The following WDR70 variants were observed in gnomAD, a reference collection of about 807,000 sequenced individuals.
The protein encoded by WDR70 is WD repeat-containing protein 70.
Under a neutral mutation model 88.6 loss-of-function variants are expected in WDR70, and 53 were observed. That is an observed-to-expected ratio of 0.60 (90% CI 0.48 to 0.75). The LOEUF (loss-of-function observed/expected upper bound fraction) is 0.75, where lower values mean the gene tolerates loss of function less well. Among genes scored for constraint, WDR70 ranks in the 30% least tolerant of loss-of-function variants. The pLI is 0.00. For synonymous variants in WDR70, 280 were observed against 270.0 expected (o/e 1.04, Z -0.36); for missense variants, 610 against 823.2 (o/e 0.74, Z 3.17).
intron 8 of WDR70, among the ~76,000 whole-genome samples, chr5:37,485,858 A>ATGTTTTTTTTTTTTTTTTTTT (rs1739848569): frequency 9.2e-6 from 1 of 108,290 alleles, no homozygotes; most frequent in Admixed American, 9.8e-5. Context: ...TGCCTGGCTA[A>ATGTTTTTTTTTTTTTTTTTTT]TTTTTTTTTT....
Position 37,483,339 on chromosome 5 carries a change from C to G in WDR70, c.840+3352C>G, listed in dbSNP as rs1581323943. Among the ~76,000 whole-genome samples, 3 of 152,042 alleles carry G rather than the reference C, an allele frequency of 2.0e-5. No individual in the cohort carries two copies. The South Asian group carries it at 6.2e-4, about 32-fold the overall frequency. On this transcript the variant is annotated intron_variant, in intron 8 of 17. Transcript: ENST00000265107. ...ATGCTGCCTTCAAGCATCTGTTTAA[C>G]AAAGCACATCTTGCACCGCCCTTAA...
At chr5:37,578,118 G>C (rs1042857785) in intron 9 of WDR70, among the ~76,000 whole-genome samples, 1 of 152,164 alleles carries the variant, frequency 6.6e-6, no homozygotes, top group Non-Finnish European at 1.5e-5. Context: ...GTCTCTCTCA[G>C]AATATAGTTT....
chr5:37,549,879 T>G (rs191277579), intron 9 of WDR70, among the ~76,000 whole-genome samples: 1 of 152,036 alleles, frequency 6.6e-6, no homozygotes, highest in African/African-American at 2.4e-5. Context: ...TTTTTTTTTT[T>G]TGAGACAGAG....
intron 8 of WDR70, among the ~76,000 whole-genome samples, chr5:37,483,836 G>C (rs1161158581): frequency 3.3e-5 from 5 of 151,998 alleles, no homozygotes; most frequent in Non-Finnish European, 7.4e-5. Context: ...TCACTTCTCA[G>C]ACGGGGCGGC....
At chr5:37,518,994 C>A (rs375524598) in intron 9 of WDR70, among the ~76,000 whole-genome samples, 1 of 151,992 alleles carries the variant, frequency 6.6e-6, no homozygotes, top group Non-Finnish European at 1.5e-5. Flanking sequence ...TCAGAGAGCA[C>A]GGGGTTGGGG....
At chr5:37,663,254 T>C (rs2112579539) in intron 10 of WDR70, among the ~76,000 whole-genome samples, 1 of 152,326 alleles carries the variant, frequency 6.6e-6, no homozygotes, top group Middle Eastern at 3.4e-3. Flanking sequence ...GTTTTGACTT[T>C]TGAGCCAAAA....
intron 9 of WDR70, among the ~76,000 whole-genome samples, chr5:37,572,966 C>T (rs1742951086): frequency 6.6e-6 from 1 of 152,144 alleles, no homozygotes; most frequent in South Asian, 2.1e-4. Flanking sequence ...ATAATTTAAA[C>T]TCTTTTCCAT....
intron 17 of WDR70, among the ~76,000 whole-genome samples, chr5:37,728,068 C>T (rs1748032301): frequency 6.6e-6 from 1 of 151,876 alleles, no homozygotes; most frequent in African/African-American, 2.4e-5. Context: ...ATTAACTAGC[C>T]CAGGTGCATT....
At chr5:37,535,290 G>T (rs596461) in intron 9 of WDR70, among the ~76,000 whole-genome samples, 14,901 of 151,748 alleles carry the variant, frequency 0.098, 2,351 homozygotes, top group African/African-American at 0.33. Context: ...ACTTTTCCTG[G>T]ACAAAATCCT....
chr5:37,557,912 A>T (rs2112364809), intron 9 of WDR70, among the ~76,000 whole-genome samples: 1 of 131,702 alleles, frequency 7.6e-6, no homozygotes, highest in Non-Finnish European at 1.7e-5. Context: ...TACTCTTTTG[A>T]AAACTCTTCA....
chr5:37,517,264 T>C (rs904436626), intron 9 of WDR70, among the ~76,000 whole-genome samples: 1 of 152,200 alleles, frequency 6.6e-6, no homozygotes. Context: ...TAAGATTGAT[T>C]TTGAAAGGAA....
At chr5:37,506,904 T>C in intron 8 of WDR70, 1 of 951,122 alleles carries the variant, frequency 1.1e-6, no homozygotes, top group Non-Finnish European at 1.7e-6. Context: ...CCCTCCCACT[T>C]GGTCCTCCTC....
chr5:37,751,254 T>C (rs918588949), intron 17 of WDR70, among the ~76,000 whole-genome samples: 1 of 152,222 alleles, frequency 6.6e-6, no homozygotes, highest in East Asian at 1.9e-4. Flanking sequence ...CAGCAACTTA[T>C]GGCCTATCAA....
chr5:37,469,618 T>C (rs957844281), intron 7 of WDR70, among the ~76,000 whole-genome samples: 5 of 152,194 alleles, frequency 3.3e-5, no homozygotes, highest in Non-Finnish European at 7.3e-5. Flanking sequence ...GCTTGAGTCA[T>C]GTAATTGCAA....
intron 10 of WDR70, among the ~76,000 whole-genome samples, chr5:37,606,120 C>T (rs1442306141): frequency 6.6e-6 from 1 of 152,000 alleles, no homozygotes; most frequent in Non-Finnish European, 1.5e-5. Context: ...GCATATATTC[C>T]ACCTTTGTCT....
intron 9 of WDR70, among the ~76,000 whole-genome samples, chr5:37,540,860 T>G (rs1375695500): frequency 6.6e-6 from 1 of 152,242 alleles, no homozygotes; most frequent in African/African-American, 2.4e-5. Context: ...TCTTTGTGAA[T>G]CTACTTGTTG....
Position 37,582,098 on chromosome 5 carries a change from C to A in WDR70, c.918-22966C>A, listed in dbSNP as rs575073062. ...ACTTAGTTACAGTTTTTATTTGTTA[C>A]AGTATTAGTTAGTAACTAATAGTTA... On this transcript the variant is annotated intron_variant, in intron 9 of 17. Transcript: ENST00000265107. 5.8e-5 allele frequency among the ~76,000 whole-genome samples: 7 copies of A among 120,568 alleles called. No homozygotes were observed. In the East Asian group the frequency reaches 1.4e-3, roughly 24 times the overall value. 79.1% of individuals were successfully genotyped at this position (120,568 alleles called of 152,430 possible). A position where few individuals can be genotyped will look rare whatever the true frequency, so the allele number is the denominator to read the frequency against.
At position 37,728,869 on chromosome 5, in the gene WDR70, A is replaced by G. The variant is rs568842520; in HGVS notation, c.1877+1824A>G. On this transcript the variant is annotated intron_variant, in intron 17 of 17. Coordinates refer to ENST00000265107, the MANE Select transcript of WDR70 (RefSeq NM_018034.4). ...ACAGTTATTACTATGGTGTTTGCCT[A>G]AGGGTGATTTTCTGTTTCCCTCTTT... is the stretch of plus-strand genomic sequence containing the variant. 2.6e-4 allele frequency among the ~76,000 whole-genome samples: 39 copies of G among 152,262 alleles called. No individual in the cohort carries two copies. In the South Asian group the frequency reaches 7.9e-3, roughly 31 times the overall value.
At chr5:37,382,765 C>T (rs1336287827) in intron 3 of WDR70, among the ~76,000 whole-genome samples, 10 of 152,214 alleles carry the variant, frequency 6.6e-5, no homozygotes, top group Non-Finnish European at 1.3e-4. Flanking sequence ...GTAATCCCAG[C>T]ACTTTGGGAG....
Sources: gnomAD v4.1 joint callset for allele counts (sites outside exome capture counted in the v4.1 genomes callset) on GRCh38, gnomAD v4.1.1 for gene constraint, MANE v1.5 for transcripts, NCBI Gene and HGNC (gene_info 2026-07-23, HGNC 2026-07-21) for gene names.